The following HUNK variants were observed in gnomAD, a reference collection of about 807,000 sequenced individuals.
The protein encoded by HUNK is hormonally up-regulated Neu-associated kinase.
In HUNK, 21 loss-of-function variants were observed where a neutral mutation model predicts 61.0. The ratio of observed to expected loss-of-function variants is 0.34; its 90% CI spans 0.24 to 0.50. The LOEUF is 0.50. Ranked by LOEUF, HUNK falls within the 20% of genes least tolerant of loss-of-function variation. HUNK has a pLI of 0.98. For synonymous variants in HUNK, 371 were observed against 386.1 expected (o/e 0.96, Z 0.46); for missense variants, 772 against 945.7 (o/e 0.82, Z 2.41).
At chr21:31,973,116 C>T (rs567341712) in intron 6 of HUNK, among the ~76,000 whole-genome samples, 1 of 151,708 alleles carries the variant, frequency 6.6e-6, no homozygotes, top group Non-Finnish European at 1.5e-5. Flanking sequence ...TCCGATTGCC[C>T]TCTTTGTATC....
chr21:31,885,371 G>C (rs8133694), intron 1 of HUNK, among the ~76,000 whole-genome samples: 21,021 of 152,212 alleles, frequency 0.14, 1,680 homozygotes, highest in East Asian at 0.36. Flanking sequence ...CGACAGGCGG[G>C]CCCTGCTGTT....
At chr21:31,905,148 G>A (rs1568921435) in intron 1 of HUNK, among the ~76,000 whole-genome samples, 1 of 152,048 alleles carries the variant, frequency 6.6e-6, no homozygotes, top group Admixed American at 6.6e-5. Context: ...TCTAATTGGT[G>A]TCTTTATAAG....
Position 31,999,541 on chromosome 21 carries a change from G to A in HUNK, c.*357G>A. The stretch of plus-strand genomic sequence containing the variant: ...GGACTGTTACCAGATCTTTCTTCAC[G>A]CTGTGCTACATGTGTGCCTCTCACA... On this transcript the variant is annotated 3_prime_UTR_variant, in exon 11 of 11. Coordinates refer to ENST00000270112, the MANE Select transcript of HUNK (RefSeq NM_014586.2). 4.1e-6 allele frequency: 1 copy of A among 244,424 alleles called. No individual in the cohort carries two copies. The highest frequency in any genetic ancestry group is 7.9e-6 in the Non-Finnish European group (1 of 126,628). The allele number at this position is 244,424 out of a possible 1,614,324, so 15.1% of individuals were successfully genotyped here.
At chr21:31,967,503 C>T (rs1434654570) in intron 5 of HUNK, among the ~76,000 whole-genome samples, 2 of 152,140 alleles carry the variant, frequency 1.3e-5, no homozygotes, top group Non-Finnish European at 2.9e-5. Context: ...TTCTTATCTC[C>T]AGTGCTTGAA....
At chr21:31,996,335 G>C (rs138476147) in intron 10 of HUNK, among the ~76,000 whole-genome samples, 2 of 152,156 alleles carry the variant, frequency 1.3e-5, no homozygotes, top group African/African-American at 2.4e-5. Flanking sequence ...AGCAGAGACC[G>C]GGTATCTCCC....
At chr21:31,912,635 AG>A (rs1429545016) in intron 1 of HUNK, among the ~76,000 whole-genome samples, 1 of 152,074 alleles carries the variant, frequency 6.6e-6, no homozygotes, top group Non-Finnish European at 1.5e-5. Context: ...TCAACCTCCC[AG>A]GGTCAAGCCC....
chr21:31,917,477 A>T (rs2052591604), intron 1 of HUNK, among the ~76,000 whole-genome samples: 1 of 152,114 alleles, frequency 6.6e-6, no homozygotes, highest in Admixed American at 6.6e-5. Flanking sequence ...TTCTCTTTCT[A>T]CTAATTTTCC....
intron 10 of HUNK, among the ~76,000 whole-genome samples, chr21:31,996,534 C>G (rs750236407): frequency 5.3e-5 from 8 of 152,174 alleles, no homozygotes; most frequent in Non-Finnish European, 1.0e-4. Context: ...ATATGTTTCC[C>G]TCCTCTGGGA....
At chr21:31,922,131 C>T (rs2052626522) in intron 1 of HUNK, among the ~76,000 whole-genome samples, 1 of 151,772 alleles carries the variant, frequency 6.6e-6, no homozygotes, top group Non-Finnish European at 1.5e-5. Context: ...ATTCTCCTGC[C>T]TCAGCCTCCT....
intron 5 of HUNK, among the ~76,000 whole-genome samples, chr21:31,962,480 G>A (rs1601400289): frequency 6.6e-6 from 1 of 152,180 alleles, no homozygotes; most frequent in African/African-American, 2.4e-5. Context: ...GTTAAAAAAT[G>A]GTCCAAAGTT....
At chr21:31,890,302 C>T (rs1318790646) in intron 1 of HUNK, among the ~76,000 whole-genome samples, 1 of 151,636 alleles carries the variant, frequency 6.6e-6, no homozygotes, top group Admixed American at 6.6e-5. Context: ...AGTCTCGGCT[C>T]GCTGCAACCT....
At chr21:31,984,391 GA>G (rs965864792) in intron 8 of HUNK, among the ~76,000 whole-genome samples, 13 of 151,898 alleles carry the variant, frequency 8.6e-5, no homozygotes, top group African/African-American at 1.9e-4. Context: ...AAAATAAAAG[GA>G]AAAAAATGCA....
At chr21:31,899,834 G>A (rs1236728986) in intron 1 of HUNK, among the ~76,000 whole-genome samples, 1 of 151,582 alleles carries the variant, frequency 6.6e-6, no homozygotes, top group Non-Finnish European at 1.5e-5. Flanking sequence ...CTGGAGTTCA[G>A]TGGTGCGTTC....
chr21:31,961,600 T>C (rs1331979090), intron 5 of HUNK, among the ~76,000 whole-genome samples: 1 of 152,234 alleles, frequency 6.6e-6, no homozygotes, highest in South Asian at 2.1e-4. Flanking sequence ...AGGGGTCTAA[T>C]AATATCTCAT....
rs180818031 is a variant in HUNK at position 31,983,396 on chromosome 21, G to A, written c.1174-130G>A. 7.7e-4 allele frequency: 546 copies of A among 710,848 alleles called. 3 individuals are homozygous for A. Among genetic ancestry groups the A allele is most frequent in the Middle Eastern group, 6.3e-3 (16 of 2,550 alleles). The allele number at this position is 710,848 out of a possible 1,614,324, so 44.0% of individuals were successfully genotyped here. On this transcript the variant is annotated intron_variant, in intron 7 of 10. Coordinates refer to ENST00000270112, the MANE Select transcript of HUNK (RefSeq NM_014586.2). ...CCTTCCTGGGGTGAGACTTGATGTTGCAATTTACTGGACTGCCAAACATTT... is the reference window on the plus strand; with the variant it reads ...CCTTCCTGGGGTGAGACTTGATGTTACAATTTACTGGACTGCCAAACATTT...
intron 1 of HUNK, among the ~76,000 whole-genome samples, chr21:31,899,708 C>G (rs766620127): frequency 1.3e-5 from 2 of 152,124 alleles, no homozygotes; most frequent in Non-Finnish European, 2.9e-5. Context: ...TGCTCAGCAC[C>G]ATCTTGGTTC....
At chr21:31,942,089 A>G (rs1054045025) in intron 3 of HUNK, among the ~76,000 whole-genome samples, 3 of 152,216 alleles carry the variant, frequency 2.0e-5, no homozygotes, top group African/African-American at 7.2e-5. Flanking sequence ...GTGCGCCTAT[A>G]ATCCCAGCTA....
At chr21:31,910,664 T>C (rs748405456) in intron 1 of HUNK, among the ~76,000 whole-genome samples, 1 of 152,090 alleles carries the variant, frequency 6.6e-6, no homozygotes, top group African/African-American at 2.4e-5. Flanking sequence ...AATTTTTGTA[T>C]TTTTAATAGA....
At chr21:31,899,104 G>T (rs926934977) in intron 1 of HUNK, among the ~76,000 whole-genome samples, 1 of 150,126 alleles carries the variant, frequency 6.7e-6, no homozygotes, top group Non-Finnish European at 1.5e-5. Flanking sequence ...TGGAGGAAAT[G>T]ATTTAACAAG....
Sources: gnomAD v4.1 joint callset for allele counts (sites outside exome capture counted in the v4.1 genomes callset) on GRCh38, gnomAD v4.1.1 for gene constraint, MANE v1.5 for transcripts, NCBI Gene and HGNC (gene_info 2026-07-23, HGNC 2026-07-21) for gene names.